Variants in PUM2 observed in about 807,000 individuals in gnomAD.
The protein encoded by PUM2 is pumilio homolog 2.
A neutral mutation model predicts 124.5 loss-of-function variants in PUM2; 57 were observed. The observed-to-expected ratio is 0.46, with a 90% CI of 0.37 to 0.57. The LOEUF (loss-of-function observed/expected upper bound fraction) is 0.57. Ranked by LOEUF, PUM2 falls within the 20% of genes least tolerant of loss-of-function variation. The pLI, the probability that PUM2 is intolerant of heterozygous loss-of-function variation, is 0.00. For synonymous variants in PUM2, 460 were observed against 446.1 expected (o/e 1.03, Z -0.39); for missense variants, 1,065 against 1,290.6 (o/e 0.83, Z 2.68).
intron 7 of PUM2, among the ~76,000 whole-genome samples, chr2:20,301,171 T>C (rs984206556): frequency 6.6e-6 from 1 of 152,236 alleles, no homozygotes; most frequent in Non-Finnish European, 1.5e-5. Flanking sequence ...GCACATGTTG[T>C]CAGGACTTCC....
rs551136588 is a variant in PUM2, at chr2:20,290,646, G to A, written c.1291+6C>T. 25 of 1,606,000 alleles carry A rather than the reference G, an allele frequency of 1.6e-5. No individual in the cohort carries two copies. The East Asian group carries it at 5.6e-4, about 36-fold the overall frequency. On this transcript the variant is annotated splice_donor_region_variant and intron_variant, in intron 10 of 20. Coordinates refer to ENST00000361078, the MANE Select transcript of PUM2 (RefSeq NM_015317.5). ...TTCAAATTTCCACAAATGACCAATT[G>A]TATACCTGGCATGCCAGTAGCAAGA...
chr2:20,306,304 A>G (rs1309466923), intron 7 of PUM2, among the ~76,000 whole-genome samples: 2 of 152,246 alleles, frequency 1.3e-5, no homozygotes, highest in Non-Finnish European at 2.9e-5. Flanking sequence ...ATTTAATCCT[A>G]TCTTCTGGAA....
intron 17 of PUM2, 63 bp from the exon 18 acceptor site, chr2:20,255,404 C>A: frequency 1.4e-6 from 2 of 1,479,612 alleles, no homozygotes; most frequent in African/African-American, 1.5e-5. Flanking sequence ...TTCTATGAAG[C>A]AGACTGGTTT....
rs1389223361 is a variant in PUM2, at chr2:20,291,620, TC to T, written c.1153-831del. Among the ~76,000 whole-genome samples the T allele has an allele frequency of 1.6e-4, 25 of 152,192 alleles. 1 individual carries two copies. The highest frequency in any genetic ancestry group is 2.9e-5 in the Non-Finnish European group (2 of 68,018). ...TTTCTTTCTTCCTTTTCTTTCCTCT[TC>T]TTTTTCTTGTGTTTCTCTTTACTTC... On this transcript the variant is annotated intron_variant, in intron 9 of 20. Transcript: ENST00000361078.
At position 20,308,489 on chromosome 2, in the gene PUM2, T is replaced by G. The variant is rs1443355056; in HGVS notation, c.614A>C (p.Asn205Thr). ...AACAAGTGGTTTATTAGCTGTAGGA[T>G]TAGGAAGAGGCCCCAGTCCTTCTGA... is the stretch of plus-strand genomic sequence containing the variant. ...NPSEGLGPLP[N>T]PTANKPLVEE... is the part of the protein sequence containing the mutation. The change falls in exon 6 of 21, where the codon AAT becomes ACT. Residue 205 changes from asparagine (N) to threonine (T), a missense_variant. By Grantham distance (65) the Asn-to-Thr change is moderately conservative. Transcript: ENST00000361078. 1 of 1,614,134 alleles carries G rather than the reference T, an allele frequency of 6.2e-7. No individual in the cohort carries two copies. Among genetic ancestry groups the G allele is most frequent in the Admixed American group, 1.7e-5 (1 of 60,028 alleles).
At chr2:20,272,091 A>G (rs549545352) in intron 13 of PUM2, among the ~76,000 whole-genome samples, 1 of 151,998 alleles carries the variant, frequency 6.6e-6, no homozygotes, top group East Asian at 1.9e-4. Context: ...CCTGGGAGAC[A>G]GGCTGCAGTG....
rs938944591 is a variant in PUM2, at chr2:20,248,847, G to C, written c.*2738C>G. On this transcript the variant is annotated 3_prime_UTR_variant, in exon 21 of 21. Coordinates refer to ENST00000361078, the MANE Select transcript of PUM2 (RefSeq NM_015317.5). ...ATGAACCAATAAGAGCCAGGACTTA[G>C]ACAAACTGGTCCAGAAACAATCCCT... 2 of 152,646 alleles carry C rather than the reference G, an allele frequency of 1.3e-5. No homozygotes were observed. The highest frequency in any genetic ancestry group is 4.8e-5 in the African/African-American group (2 of 41,458). The allele number at this position is 152,646 out of a possible 1,614,324, so 9.5% of individuals were successfully genotyped here. A position where few individuals can be genotyped will look rare whatever the true frequency, so the allele number is the denominator to read the frequency against.
chr2:20,328,145 C>T (rs1233705832), intron 1 of PUM2, among the ~76,000 whole-genome samples: 4 of 152,040 alleles, frequency 2.6e-5, no homozygotes, highest in Non-Finnish European at 5.9e-5. Flanking sequence ...ACCAGCCTGG[C>T]CAACATGGTG....
intron 3 of PUM2, among the ~76,000 whole-genome samples, chr2:20,315,836 CAAAAAAAAAA>C (rs60828412): frequency 1.4e-5 from 1 of 72,352 alleles, no homozygotes; most frequent in Non-Finnish European, 2.6e-5. Context: ...AACCTGGTCT[CAAAAAAAAAA>C]AAAAAAAAAA....
intron 1 of PUM2, among the ~76,000 whole-genome samples, chr2:20,335,760 T>TACA (rs1459517003): frequency 6.6e-6 from 1 of 152,358 alleles, no homozygotes; most frequent in South Asian, 2.1e-4. Flanking sequence ...GTTGTCAACA[T>TACA]ACAGACTTAC....
intron 12 of PUM2, 75 bp from the exon 13 acceptor site, chr2:20,278,894 G>T: frequency 9.4e-7 from 1 of 1,064,016 alleles, no homozygotes; most frequent in Non-Finnish European, 1.4e-6. Context: ...CTCTCGCTGG[G>T]CAATAACAGA....
At chr2:20,295,816 T>C (rs893517698) in intron 8 of PUM2, among the ~76,000 whole-genome samples, 9 of 152,328 alleles carry the variant, frequency 5.9e-5, no homozygotes, top group South Asian at 2.1e-4. Context: ...AAGAGTATTA[T>C]TGAAATTAAT....
At chr2:20,274,265 A>C (rs1669680055) in intron 13 of PUM2, among the ~76,000 whole-genome samples, 1 of 152,198 alleles carries the variant, frequency 6.6e-6, no homozygotes, top group Non-Finnish European at 1.5e-5. Flanking sequence ...TAACTGCTAA[A>C]GGATAACAGT....
Position 20,250,973 on chromosome 2 carries a change from T to C in PUM2, c.*612A>G, listed in dbSNP as rs1299593340. ...AAACCACATCTACTGTAAATAATGT[T>C]AGGTTCTTTTCATCTCAAACCACTT... On this transcript the variant is annotated 3_prime_UTR_variant, in exon 21 of 21. Coordinates refer to ENST00000361078, the MANE Select transcript of PUM2 (RefSeq NM_015317.5). 1.3e-5 allele frequency: 2 copies of C among 152,604 alleles called. No individual in the cohort carries two copies. Among genetic ancestry groups the C allele is most frequent in the Non-Finnish European group, 2.9e-5 (2 of 68,000 alleles). 9.5% of individuals were successfully genotyped at this position (152,604 alleles called of 1,614,324 possible). A position where few individuals can be genotyped will look rare whatever the true frequency, so the allele number is the denominator to read the frequency against.
chr2:20,251,111 T>C lies in PUM2; in HGVS notation c.*474A>G, dbSNP rs1277212211. ...TATGCAGTTGATTGTTAATCTGTTA[T>C]AAAAGGTTTCACGCAAAGGAAAAAA... On this transcript the variant is annotated 3_prime_UTR_variant, in exon 21 of 21. Transcript: ENST00000361078. The C allele has an allele frequency of 1.3e-5, 2 of 152,698 alleles. No individual in the cohort carries two copies. The highest frequency in any genetic ancestry group is 2.9e-5 in the Non-Finnish European group (2 of 68,106). 9.5% of individuals were successfully genotyped at this position (152,698 alleles called of 1,614,324 possible). A position where few individuals can be genotyped will look rare whatever the true frequency, so the allele number is the denominator to read the frequency against.
upstream of PUM2, among the ~76,000 whole-genome samples, chr2:20,351,553 A>C (rs1415641364): frequency 3.3e-5 from 5 of 152,218 alleles, no homozygotes; most frequent in Non-Finnish European, 7.3e-5. Context: ...TTTCTCGCGT[A>C]CTAAGCGCTC....
intron 1 of PUM2, among the ~76,000 whole-genome samples, chr2:20,342,206 T>C (rs1016234051): frequency 2.0e-5 from 3 of 151,864 alleles, no homozygotes; most frequent in East Asian, 1.9e-4. Context: ...TCTGAATGCA[T>C]GGTCTGAGAC....
intron 7 of PUM2, among the ~76,000 whole-genome samples, chr2:20,300,657 AG>A (rs1306294129): frequency 6.6e-6 from 1 of 152,218 alleles, no homozygotes; most frequent in Non-Finnish European, 1.5e-5. Context: ...GATTCCACTC[AG>A]GTTAGTGAAA....
At chr2:20,312,743 A>ATTTC (rs1488686761) in intron 3 of PUM2, among the ~76,000 whole-genome samples, 2 of 152,154 alleles carry the variant, frequency 1.3e-5, no homozygotes, top group African/African-American at 4.8e-5. Flanking sequence ...GGAACCAAAA[A>ATTTC]AGAGTCCGCA....
Sources: gnomAD v4.1 joint callset for allele counts (sites outside exome capture counted in the v4.1 genomes callset) on GRCh38, gnomAD v4.1.1 for gene constraint, MANE v1.5 for transcripts, NCBI Gene and HGNC (gene_info 2026-07-23, HGNC 2026-07-21) for gene names.